PGM2: variants seen among roughly 807,000 people sequenced by gnomAD.
PGM2 encodes phosphopentomutase.
PGM2 carries 57 observed loss-of-function variants against 74.6 expected under a neutral mutation model. That is an observed-to-expected ratio of 0.76 (90% CI 0.62 to 0.95). The LOEUF is 0.95. Ranked by LOEUF, PGM2 falls within the 40% of genes least tolerant of loss-of-function variation. PGM2 has a pLI of 0.00. For synonymous variants in PGM2, 273 were observed against 260.7 expected, an observed-to-expected ratio of 1.05 and a Z score of -0.46; for missense variants, 706 against 741.9, an observed-to-expected ratio of 0.95 and a Z score of 0.56.
At position 37,850,310 on chromosome 4, in the gene PGM2, T is replaced by G; in HGVS notation, c.1539T>G (p.Phe513Leu). The change falls in exon 12 of 14, where the codon TTT (phenylalanine) becomes TTG (leucine). Residue 513 changes from phenylalanine (F) to leucine (L), a missense_variant. Phe to Leu is a conservative substitution (Grantham distance 22). Transcript: ENST00000381967. ...ATTATCCAAAAGCTTGTGGCAAATT[T>G]GAAATTTCTGCCATTAGGGACCTTA... ...KNNYPKACGK[F>L]EISAIRDLTT... is the part of the protein sequence containing the mutation. 6.3e-7 allele frequency: 1 copy of G among 1,592,042 alleles called. No homozygotes were observed. Among genetic ancestry groups the G allele is most frequent in the South Asian group, 1.2e-5 (1 of 86,122 alleles).
Position 37,847,310 on chromosome 4 carries a change from T to C in PGM2, c.1282+15T>C, listed in dbSNP as rs377562170. ...AGAAGCTATTGGTAAGAAGTGATCA[T>C]GAACATTAAGGAATTGGCTGCAAGG... On this transcript the variant is annotated intron_variant, in intron 10 of 13. Coordinates refer to ENST00000381967, the MANE Select transcript of PGM2 (RefSeq NM_018290.4). 818 of 1,567,396 alleles carry C rather than the reference T, an allele frequency of 5.2e-4. No homozygotes were observed. The highest frequency in any genetic ancestry group is 6.7e-4 in the Non-Finnish European group (758 of 1,138,038).
chr4:37,839,623 TACTC>T, intron 4 of PGM2: 3 of 656,548 alleles, frequency 4.6e-6, no homozygotes, highest in Non-Finnish European at 8.4e-6. Flanking sequence ...CTGAGGAAAT[TACTC>T]ACCTTTCTTA....
Position 37,862,060 on chromosome 4 carries a change from C to A in PGM2, c.*448C>A, listed in dbSNP as rs952278774. ...ATGTACATTTATATTTCTATCAATT[C>A]CTTAGAAAGTAAAATAAATGAATAG... On this transcript the variant is annotated 3_prime_UTR_variant, in exon 14 of 14. Coordinates refer to ENST00000381967, the MANE Select transcript of PGM2 (RefSeq NM_018290.4). 6.5e-6 allele frequency: 1 copy of A among 152,724 alleles called. No individual in the cohort carries two copies. The highest frequency in any genetic ancestry group is 1.5e-5 in the Non-Finnish European group (1 of 68,474). 9.5% of individuals were successfully genotyped at this position (152,724 alleles called of 1,614,324 possible). A position where few individuals can be genotyped will look rare whatever the true frequency, so the allele number is the denominator to read the frequency against.
At chr4:37,847,930 C>T (rs1406480910) in intron 10 of PGM2, among the ~76,000 whole-genome samples, 1 of 152,236 alleles carries the variant, frequency 6.6e-6, no homozygotes, top group Non-Finnish European at 1.5e-5. Flanking sequence ...TTCTCTGCAA[C>T]ACTAACACAT....
chr4:37,830,117 A>C lies in PGM2; in HGVS notation c.235A>C (p.Ile79Leu). The C allele has an allele frequency of 6.3e-7, 1 of 1,586,338 alleles. No individual in the cohort carries two copies. Among genetic ancestry groups the C allele is most frequent in the Non-Finnish European group, 8.6e-7 (1 of 1,166,890 alleles). The change falls in exon 2 of 14, where the codon ATC (isoleucine) becomes CTC (leucine). Residue 79 changes from isoleucine to leucine, a missense_variant. By Grantham distance (5) the Ile-to-Leu change is conservative. Transcript: ENST00000381967. ...GISRMNDLTI[I>L]QTTQGFCRYL... ...TTCTCGTATGAATGACTTGACCATC[A>C]TCCAGACTACACAGGTACCATGTTT...
In PGM2 at chr4:37,834,636, G is replaced by GA; in HGVS notation, c.273dup (p.Gln92ThrfsTer4). 6.3e-7 allele frequency: 1 copy of GA among 1,584,226 alleles called. No homozygotes were observed. The highest frequency in any genetic ancestry group is 8.7e-7 in the Non-Finnish European group (1 of 1,155,718). The stretch of plus-strand genomic sequence containing the variant: ...TTTGTAGGGATTTTGCAGATACCTG[G>GA]AAAAACAATTCAGTGACTTAAAGCA... On this transcript the variant is annotated frameshift_variant, in exon 3 of 14. Coordinates refer to ENST00000381967, the MANE Select transcript of PGM2 (RefSeq NM_018290.4). LOFTEE classifies it high-confidence loss of function.
Position 37,826,720 on chromosome 4 carries a change from C to A in PGM2, c.-13C>A, listed in dbSNP as rs1239185194. 1.9e-6 allele frequency: 3 copies of A among 1,547,706 alleles called. No homozygotes were observed. The highest frequency in any genetic ancestry group is 1.7e-6 in the Non-Finnish European group (2 of 1,144,176). ...CGCCTGCTTCCCTCTGCAGCGGTAG[C>A]ACAAGCTCAGCGATGGCGGCTCCAG... On this transcript the variant is annotated 5_prime_UTR_variant, in exon 1 of 14. Transcript: ENST00000381967.
At chr4:37,846,621 A>C (rs1725878779) in intron 8 of PGM2, among the ~76,000 whole-genome samples, 1 of 152,208 alleles carries the variant, frequency 6.6e-6, no homozygotes, top group Non-Finnish European at 1.5e-5. Context: ...TTATATTTAA[A>C]ACCAAAGGCT....
rs12640581 is a variant in PGM2 at position 37,841,318 on chromosome 4, G to A, written c.719+1059G>A. On this transcript the variant is annotated intron_variant, in intron 6 of 13. Coordinates refer to ENST00000381967, the MANE Select transcript of PGM2 (RefSeq NM_018290.4). ...TATTTAACTCAGTGACACAGACTCAGTCCTTACCATCAGGTAGGAAGAGGT... is the reference window on the plus strand; with the variant it reads ...TATTTAACTCAGTGACACAGACTCAATCCTTACCATCAGGTAGGAAGAGGT... 0.012 allele frequency among the ~76,000 whole-genome samples: 1,810 copies of A among 151,994 alleles called. 133 individuals carry two copies. In the East Asian group the frequency reaches 0.2, roughly 17 times the overall value.
At chr4:37,848,016 G>C (rs1725925404) in intron 10 of PGM2, among the ~76,000 whole-genome samples, 2 of 152,066 alleles carry the variant, frequency 1.3e-5, no homozygotes, top group Non-Finnish European at 2.9e-5. Context: ...TCTTTCCGTA[G>C]CTTTTTATTT....
intron 1 of PGM2, among the ~76,000 whole-genome samples, chr4:37,827,847 C>G (rs532583597): frequency 1.6e-4 from 24 of 152,290 alleles, no homozygotes; most frequent in African/African-American, 5.8e-4. Context: ...GCTGTCCTGT[C>G]TTGAAAGTCT....
intron 10 of PGM2, among the ~76,000 whole-genome samples, chr4:37,847,788 A>G (rs1560418150): frequency 6.6e-6 from 1 of 152,254 alleles, no homozygotes; most frequent in African/African-American, 2.4e-5. Flanking sequence ...CCCTTGTCCT[A>G]AACTGTCAAT....
At chr4:37,851,861 A>G (rs1352518632) in intron 12 of PGM2, among the ~76,000 whole-genome samples, 1 of 152,098 alleles carries the variant, frequency 6.6e-6, no homozygotes. Flanking sequence ...TGCTTTTGTT[A>G]TTATGACTAG....
At chr4:37,858,531 G>A (rs1281183399) in intron 13 of PGM2, among the ~76,000 whole-genome samples, 3 of 128,918 alleles carry the variant, frequency 2.3e-5, no homozygotes, top group African/African-American at 9.2e-5. Context: ...TTTTTTTTTA[G>A]TAGAGACAAG....
intron 3 of PGM2, among the ~76,000 whole-genome samples, chr4:37,835,835 A>C (rs940474320): frequency 1.3e-5 from 2 of 152,222 alleles, no homozygotes; most frequent in African/African-American, 4.8e-5. Flanking sequence ...TTAGCTTTGC[A>C]GCTCAAAAAT....
At position 37,856,103 on chromosome 4, in the gene PGM2, G is replaced by A. The variant is rs73136150; in HGVS notation, c.1736+362G>A. 4.2e-3 allele frequency among the ~76,000 whole-genome samples: 638 copies of A among 152,000 alleles called. 4 individuals are homozygous for A. Among genetic ancestry groups the A allele is most frequent in the African/African-American group, 0.014 (582 of 41,458 alleles). ...TCTCTGATAAAATAAATTATAATCC[G>A]GGCCGGGTGCGGTGGCTTACACCTG... On this transcript the variant is annotated intron_variant, in intron 13 of 13. Coordinates refer to ENST00000381967, the MANE Select transcript of PGM2 (RefSeq NM_018290.4).
intron 12 of PGM2, among the ~76,000 whole-genome samples, chr4:37,854,146 G>A (rs1008061634): frequency 6.6e-6 from 1 of 152,050 alleles, no homozygotes; most frequent in African/African-American, 2.4e-5. Flanking sequence ...TCTGACTTGT[G>A]CGATCGGTTG....
At chr4:37,859,768 G>A (rs1331125185) in intron 13 of PGM2, among the ~76,000 whole-genome samples, 1 of 152,020 alleles carries the variant, frequency 6.6e-6, no homozygotes, top group Non-Finnish European at 1.5e-5. Context: ...TTTACTTGTC[G>A]TTTAGCTTAA....
At chr4:37,831,861 A>G (rs1725450697) in intron 2 of PGM2, among the ~76,000 whole-genome samples, 1 of 152,194 alleles carries the variant, frequency 6.6e-6, no homozygotes, top group Non-Finnish European at 1.5e-5. Context: ...TAAGAGGAAC[A>G]TGTGAGATGG....
Sources: gnomAD v4.1 joint callset for allele counts (sites outside exome capture counted in the v4.1 genomes callset) on GRCh38, gnomAD v4.1.1 for gene constraint, MANE v1.5 for transcripts, NCBI Gene and HGNC (gene_info 2026-07-23, HGNC 2026-07-21) for gene names.